The following DNM2 variants were observed in gnomAD, a reference collection of about 807,000 sequenced individuals.
DNM2 encodes dynamin 2.
A neutral mutation model predicts 99.0 loss-of-function variants in DNM2; 15 were observed. The ratio of observed to expected loss-of-function variants is 0.15; its 90% CI spans 0.10 to 0.23. DNM2 has a LOEUF of 0.23. DNM2 is among the 10% of genes least tolerant of loss of function. The probability of loss-of-function intolerance (pLI) is 1.00; values close to 1 mark genes in which losing one functional copy is unlikely to be tolerated. For synonymous variants in DNM2, 525 were observed against 481.2 expected (o/e 1.09, Z -1.19); for missense variants, 742 against 1,189.4 (o/e 0.62, Z 5.53).
At chr19:10,829,903 G>T (rs1191423791) in intron 19 of DNM2, among the ~76,000 whole-genome samples, 1 of 152,166 alleles carries the variant, frequency 6.6e-6, no homozygotes, top group African/African-American at 2.4e-5. Context: ...TGTGAGGGTG[G>T]ATCCCAGGCC....
At chr19:10,773,779 T>C (rs113623926) in intron 3 of DNM2, among the ~76,000 whole-genome samples, 1 of 152,016 alleles carries the variant, frequency 6.6e-6, no homozygotes, top group Non-Finnish European at 1.5e-5. Context: ...ATTCAGCTAC[T>C]TTTTTGTATT....
intron 1 of DNM2, among the ~76,000 whole-genome samples, chr19:10,728,944 C>CAA (rs34423244): frequency 3.3e-5 from 4 of 121,952 alleles, no homozygotes; most frequent in Admixed American, 8.7e-5. Context: ...GACCCGGTCT[C>CAA]AAAAAAAAAA....
At chr19:10,733,636 C>G (rs953461978) in intron 1 of DNM2, among the ~76,000 whole-genome samples, 1 of 152,176 alleles carries the variant, frequency 6.6e-6, no homozygotes, top group African/African-American at 2.4e-5. Flanking sequence ...CCTAGCTACT[C>G]AGGAGGCTGA....
At chr19:10,754,048 T>C (rs1028567105) in intron 1 of DNM2, among the ~76,000 whole-genome samples, 10 of 152,194 alleles carry the variant, frequency 6.6e-5, no homozygotes, top group African/African-American at 2.4e-4. Context: ...GTAATTTATA[T>C]TTAACTAGTC....
Position 10,830,574 on chromosome 19 carries a change from C to G in DNM2, c.2543+196C>G. On this transcript the variant is annotated intron_variant, in intron 20 of 20. Coordinates refer to ENST00000389253, the MANE Select transcript of DNM2 (RefSeq NM_001005361.3). This position sits in a 1 kb window ranked among gnomAD's most constrained non-coding sequence, Gnocchi z 4.8. The stretch of plus-strand genomic sequence containing the variant: ...TGTTCAGTGTCACAGAGTAGCGGAG[C>G]CCTGGTGACTCCGGGGCTCCCAGCT... 1 of 697,670 alleles carries G rather than the reference C, an allele frequency of 1.4e-6. No homozygotes were observed. Among genetic ancestry groups the G allele is most frequent in the Non-Finnish European group, 2.3e-6 (1 of 426,634 alleles). The allele number at this position is 697,670 out of a possible 1,614,324, so 43.2% of individuals were successfully genotyped here. A position where few individuals can be genotyped will look rare whatever the true frequency, so the allele number is the denominator to read the frequency against.
Position 10,830,450 on chromosome 19 carries a change from C to T in DNM2, c.2543+72C>T, listed in dbSNP as rs2073300606. ...GTCTCTCCTCCTGTCTCACTTCCTC[C>T]CAGTGAGCTCTCACTACGTGCCCAG... On this transcript the variant is annotated intron_variant, in intron 20 of 20. Transcript: ENST00000389253. This position sits in a 1 kb window ranked among gnomAD's most constrained non-coding sequence, Gnocchi z 4.8. The T allele has an allele frequency of 1.3e-6, 2 of 1,510,232 alleles. No individual in the cohort carries two copies. The highest frequency in any genetic ancestry group is 4.5e-5 in the East Asian group (2 of 43,996). 93.6% of individuals were successfully genotyped at this position (1,510,232 alleles called of 1,614,324 possible).
chr19:10,783,695 TA>T lies in DNM2; in HGVS notation c.849+576del, dbSNP rs200159189. On this transcript the variant is annotated intron_variant, in intron 6 of 20. Coordinates refer to ENST00000389253, the MANE Select transcript of DNM2 (RefSeq NM_001005361.3). ...TTTTATTTATTATTATTATTATTATTATTATTATTATTTTTTATTTTTGGAG... is the reference window on the plus strand; with the variant it reads ...TTTTATTTATTATTATTATTATTATTTTATTATTATTTTTTATTTTTGGAG... 9.3e-3 allele frequency among the ~76,000 whole-genome samples: 1,237 copies of T among 133,712 alleles called. 21 individuals carry two copies. Among genetic ancestry groups the T allele is most frequent in the African/African-American group, 0.026 (1,017 of 39,620 alleles). 87.7% of individuals were successfully genotyped at this position (133,712 alleles called of 152,430 possible). A position where few individuals can be genotyped will look rare whatever the true frequency, so the allele number is the denominator to read the frequency against.
chr19:10,831,292 C>CTTTTTT lies in DNM2; in HGVS notation c.*246_*247insTTTTTT. The CTTTTTT allele has an allele frequency of 7.8e-7, 1 of 1,286,858 alleles. No individual in the cohort carries two copies. 79.7% of individuals were successfully genotyped at this position (1,286,858 alleles called of 1,614,324 possible). ...GGTGTTGCACTTTGGGGGATGGAGT[C>CTTTTTT]TCAGGGTGGCAGAGGGGGGACCAGA... On this transcript the variant is annotated 3_prime_UTR_variant, in exon 21 of 21. Transcript: ENST00000389253. The surrounding 1 kb of genome is among the most constrained non-coding windows in gnomAD (Gnocchi z 4.3).
rs774273966 is a variant in DNM2 at position 10,830,229 on chromosome 19, G to T, written c.2394G>T (p.Val798=). 9 of 1,613,926 alleles carry T rather than the reference G, an allele frequency of 5.6e-6. No homozygotes were observed. Among genetic ancestry groups the T allele is most frequent in the Non-Finnish European group, 6.8e-6 (8 of 1,179,918 alleles). Residue 798 remains valine (V), a synonymous_variant, in exon 20 of 21, where the codon GTG becomes GTT. Coordinates refer to ENST00000389253, the MANE Select transcript of DNM2 (RefSeq NM_001005361.3). This position sits in a 1 kb window ranked among gnomAD's most constrained non-coding sequence, Gnocchi z 4.8. The part of the protein sequence containing the change: ...TPGPPLIPVP[V]GAAASFSAPP... ...GGCCCCCCCTGATTCCTGTTCCCGTGGGGGCAGCAGCCTCCTTCTCGGCGC... is the reference window on the plus strand; with the variant it reads ...GGCCCCCCCTGATTCCTGTTCCCGTTGGGGCAGCAGCCTCCTTCTCGGCGC...
At position 10,718,179 on chromosome 19, in the gene DNM2, A is replaced by T; in HGVS notation, c.-64A>T. 7.4e-7 allele frequency: 1 copy of T among 1,343,940 alleles called. No homozygotes were observed. Among genetic ancestry groups the T allele is most frequent in the South Asian group, 1.8e-5 (1 of 55,006 alleles). The allele number at this position is 1,343,940 out of a possible 1,614,324, so 83.3% of individuals were successfully genotyped here. ...CAACGGCTACAGACGCCGCGGGGCC[A>T]GGTCGTTGAGGGTCGGCGGCGGGCG... On this transcript the variant is annotated 5_prime_UTR_variant, in exon 1 of 21. Coordinates refer to ENST00000389253, the MANE Select transcript of DNM2 (RefSeq NM_001005361.3).
chr19:10,803,834 G>A (rs1177642819), intron 12 of DNM2, among the ~76,000 whole-genome samples: 5 of 152,226 alleles, frequency 3.3e-5, no homozygotes, highest in Non-Finnish European at 5.9e-5. Flanking sequence ...GACCTTGACC[G>A]CACCAGCTGT....
intron 15 of DNM2, among the ~76,000 whole-genome samples, chr19:10,819,746 C>G (rs542115345): frequency 3.3e-5 from 5 of 152,222 alleles, no homozygotes; most frequent in Admixed American, 3.3e-4. Flanking sequence ...GCCCGGTCGT[C>G]CGAAGGCCCT....
At chr19:10,769,896 C>T (rs1481604002) in intron 2 of DNM2, among the ~76,000 whole-genome samples, 3 of 152,210 alleles carry the variant, frequency 2.0e-5, no homozygotes, top group Admixed American at 6.5e-5. Flanking sequence ...TTCAAAGAGG[C>T]GAAGTTCCTT....
chr19:10,801,038 G>C (rs2072119294), intron 11 of DNM2, among the ~76,000 whole-genome samples: 1 of 152,258 alleles, frequency 6.6e-6, no homozygotes, highest in South Asian at 2.1e-4. Context: ...GGACACGGTG[G>C]CTCACGCCTG....
chr19:10,830,577 T>C lies in DNM2; in HGVS notation c.2543+199T>C. 4.3e-6 allele frequency: 3 copies of C among 692,266 alleles called. No individual in the cohort carries two copies. The highest frequency in any genetic ancestry group is 7.1e-6 in the Non-Finnish European group (3 of 421,816). The allele number at this position is 692,266 out of a possible 1,614,324, so 42.9% of individuals were successfully genotyped here. On this transcript the variant is annotated intron_variant, in intron 20 of 20. Transcript: ENST00000389253. The surrounding 1 kb of genome is among the most constrained non-coding windows in gnomAD (Gnocchi z 4.8). ...TCAGTGTCACAGAGTAGCGGAGCCC[T>C]GGTGACTCCGGGGCTCCCAGCTTGC...
intron 1 of DNM2, among the ~76,000 whole-genome samples, chr19:10,730,117 G>GC (rs1161507996): frequency 1.3e-5 from 2 of 152,116 alleles, no homozygotes; most frequent in East Asian, 1.9e-4. Flanking sequence ...TTTCACGTTG[G>GC]CCCCCCAAAG....
intron 16 of DNM2, among the ~76,000 whole-genome samples, chr19:10,822,331 A>G (rs2073001399): frequency 1.3e-5 from 2 of 151,614 alleles, no homozygotes; most frequent in Admixed American, 1.3e-4. Context: ...CTGGGACTAC[A>G]GGCGCACACC....
chr19:10,813,959 T>A (rs796257000), intron 15 of DNM2, among the ~76,000 whole-genome samples: 1 of 151,984 alleles, frequency 6.6e-6, no homozygotes, highest in Non-Finnish European at 1.5e-5. Flanking sequence ...GGTCAGGTAT[T>A]CAAGACCAGC....
At chr19:10,724,914 T>C (rs77482332) in intron 1 of DNM2, among the ~76,000 whole-genome samples, 6,954 of 152,134 alleles carry the variant, frequency 0.046, 188 homozygotes, top group African/African-American at 0.073. Flanking sequence ...CCTTTGGTGA[T>C]GTGTCCCTCC....
Sources: gnomAD v4.1 joint callset for allele counts (sites outside exome capture counted in the v4.1 genomes callset) on GRCh38, gnomAD v4.1.1 for gene constraint, Gnocchi (gnomAD v3.1) non-coding constraint, MANE v1.5 for transcripts, NCBI Gene and HGNC (gene_info 2026-07-23, HGNC 2026-07-21) for gene names.